Variants in TRPV5 observed in about 807,000 individuals in gnomAD.
TRPV5 encodes the protein transient receptor potential cation channel subfamily V member 5.
TRPV5 carries 66 observed loss-of-function variants against 74.1 expected under a neutral mutation model. That is an observed-to-expected ratio of 0.89 (90% CI 0.73 to 1.09). TRPV5 has a LOEUF of 1.09. Among genes scored for constraint, TRPV5 ranks in the 50% least tolerant of loss-of-function variants. The pLI is 0.00. For missense variants in TRPV5, 936 were observed against 930.4 expected (o/e 1.01, Z -0.08); for synonymous variants, 399 against 360.7 (o/e 1.11, Z -1.20).
intron 8 of TRPV5, 146 bp downstream of exon 8, chr7:142,925,383 C>G: frequency 2.7e-6 from 2 of 751,288 alleles, no homozygotes; most frequent in Non-Finnish European, 4.5e-6. Context: ...GCCTCCTGGT[C>G]TCATGTCTAA....
intron 8 of TRPV5, among the ~76,000 whole-genome samples, chr7:142,916,632 G>A (rs1795803789): frequency 6.6e-6 from 1 of 152,176 alleles, no homozygotes; most frequent in Non-Finnish European, 1.5e-5. Flanking sequence ...AGTCCCCTGG[G>A]GCCAGCAGGA....
chr7:142,908,443 G>T lies in TRPV5; in HGVS notation c.*71C>A. The T allele has an allele frequency of 1.3e-6, 2 of 1,533,922 alleles. No homozygotes were observed. The highest frequency in any genetic ancestry group is 1.8e-6 in the Non-Finnish European group (2 of 1,118,118). Reference sequence around the variant, plus strand: ...GCACAGAAGTTAGACACTTGCATAGGCAGAGGTCTCCGTCTCTGTCCCCGC... The same window carrying T: ...GCACAGAAGTTAGACACTTGCATAGTCAGAGGTCTCCGTCTCTGTCCCCGC... On this transcript the variant is annotated 3_prime_UTR_variant, in exon 15 of 15. Coordinates refer to ENST00000265310, the MANE Select transcript of TRPV5 (RefSeq NM_019841.7).
intron 8 of TRPV5, among the ~76,000 whole-genome samples, chr7:142,920,020 A>G (rs4252462): frequency 0.97 from 148,338 of 152,320 alleles, 72,255 homozygotes; most frequent in East Asian, 0.99. Flanking sequence ...TTCCTAACCA[A>G]GACTGCCCAT....
rs1449281828 is a variant in TRPV5, at chr7:142,928,934, G to A, written c.587-68C>T. On this transcript the variant is annotated intron_variant, in intron 5 of 14. Transcript: ENST00000265310. ...CCCTGATGTCCCCATCCCCACTCTG[G>A]GGTCTTCCTAAAGGTCCCAGCTCCA... is the stretch of plus-strand genomic sequence containing the variant. 3 of 1,611,590 alleles carry A rather than the reference G, an allele frequency of 1.9e-6. 1 individual carries two copies. The highest frequency in any genetic ancestry group is 2.2e-5 in the South Asian group (2 of 90,850).
In TRPV5 at chr7:142,929,361, C is replaced by T. The variant is rs1294963060; in HGVS notation, c.487+67G>A. 3.2e-6 allele frequency: 5 copies of T among 1,584,210 alleles called. No homozygotes were observed. The Admixed American group carries it at 6.8e-5, about 22-fold the overall frequency. On this transcript the variant is annotated intron_variant, in intron 4 of 14. Transcript: ENST00000265310. ...TGGAGCTGAAGGCAGGACCCTCATG[C>T]CCTGGCCTCCCTCTGCCTTGCCCGC...
intron 4 of TRPV5, 61 bp downstream of exon 4, chr7:142,929,367 C>A (rs984309644): frequency 2.5e-6 from 4 of 1,587,738 alleles, no homozygotes; most frequent in Non-Finnish European, 3.4e-6. Flanking sequence ...CATGCCCTGG[C>A]CTCCCTCTGC....
chr7:142,914,527 C>CA (rs137964684), intron 12 of TRPV5, 113 bp downstream of exon 12: 56,551 of 970,448 alleles, frequency 0.058, 2,662 homozygotes, highest in African/African-American at 0.26. Context: ...AAAAAACAAA[C>CA]AAAAAAAAAG....
intron 7 of TRPV5, 90 bp from the exon 8 acceptor site, chr7:142,925,831 C>A: frequency 1.9e-6 from 2 of 1,077,204 alleles, no homozygotes; most frequent in Non-Finnish European, 1.4e-6. Flanking sequence ...GGGCAGCAAC[C>A]ATCACTCACT....
intron 1 of TRPV5, among the ~76,000 whole-genome samples, chr7:142,931,764 C>T (rs573861089): frequency 3.6e-4 from 55 of 152,208 alleles, no homozygotes; most frequent in South Asian, 1.5e-3. Flanking sequence ...TGCAGTGGTG[C>T]GATCTCGGCT....
chr7:142,926,863 C>T (rs920762187), intron 7 of TRPV5, among the ~76,000 whole-genome samples: 26 of 152,154 alleles, frequency 1.7e-4, no homozygotes, highest in Non-Finnish European at 2.5e-4. Flanking sequence ...ACAAACTAGC[C>T]ACTCAACTTT....
At position 142,922,461 on chromosome 7, in the gene TRPV5, G is replaced by T. The variant is rs532035790; in HGVS notation, c.1122+3068C>A. On this transcript the variant is annotated intron_variant, in intron 8 of 14. Transcript: ENST00000265310. Reference sequence around the variant, plus strand: ...CTTACCTCAAAGATGGAAGCCACGGGTTCTCAACCTTGGCAGAACATTTGG... The same window carrying T: ...CTTACCTCAAAGATGGAAGCCACGGTTTCTCAACCTTGGCAGAACATTTGG... Among the ~76,000 whole-genome samples, 17 of 152,278 alleles carry T rather than the reference G, an allele frequency of 1.1e-4. No homozygotes were observed. The East Asian group carries it at 2.3e-3, about 21-fold the overall frequency.
chr7:142,929,195 G>A lies in TRPV5; in HGVS notation c.488-75C>T, dbSNP rs1388634549. On this transcript the variant is annotated intron_variant, in intron 4 of 14. Transcript: ENST00000265310. ...GGGTGGGCAGTCTCCCCCAAATAAG[G>A]GCCTCCTCCTCATCCCCCATATCTC... The A allele has an allele frequency of 1.9e-6, 3 of 1,557,472 alleles. No homozygotes were observed. In the East Asian group the frequency reaches 7.0e-5, roughly 37 times the overall value.
intron 8 of TRPV5, among the ~76,000 whole-genome samples, chr7:142,920,141 G>A (rs535054421): frequency 3.9e-5 from 6 of 152,290 alleles, no homozygotes; most frequent in Admixed American, 1.3e-4. Context: ...CGTTTTGGAC[G>A]TGTATCCCAA....
chr7:142,910,835 C>T (rs1795691658), intron 13 of TRPV5, among the ~76,000 whole-genome samples: 1 of 152,138 alleles, frequency 6.6e-6, no homozygotes, highest in Non-Finnish European at 1.5e-5. Flanking sequence ...GGGAATTGCT[C>T]CCTCATCACT....
intron 1 of TRPV5, among the ~76,000 whole-genome samples, chr7:142,930,896 G>A (rs566066659): frequency 1.1e-4 from 17 of 152,268 alleles, no homozygotes; most frequent in African/African-American, 4.1e-4. Flanking sequence ...TTTAACCAAG[G>A]GGAGTTTGGG....
intron 8 of TRPV5, among the ~76,000 whole-genome samples, chr7:142,921,385 G>A (rs530456403): frequency 2.6e-5 from 4 of 152,126 alleles, no homozygotes; most frequent in Non-Finnish European, 5.9e-5. Flanking sequence ...ACGTTCAAGC[G>A]ATTCTCCTCT....
In TRPV5 at chr7:142,914,992, G is replaced by T; in HGVS notation, c.1341C>A (p.Thr447=). 1 of 1,614,126 alleles carries T rather than the reference G, an allele frequency of 6.2e-7. No individual in the cohort carries two copies. The highest frequency in any genetic ancestry group is 8.5e-7 in the Non-Finnish European group (1 of 1,180,010). The change falls in exon 11 of 15, where the codon ACC becomes ACA. Residue 447 remains threonine (T), a synonymous_variant. Coordinates refer to ENST00000265310, the MANE Select transcript of TRPV5 (RefSeq NM_019841.7). ...LVTMVMRLTN[T]NGEVVPMSFA... ...AGGACATGGGCACCACCTCCCCATT[G>T]GTGTTGGTGAGCCGCATCACCATGG...
rs762806939 is a variant in TRPV5, at chr7:142,908,609, G to A, written c.2095C>T (p.Arg699Ter). The A allele has an allele frequency of 8.1e-6, 13 of 1,614,230 alleles. No homozygotes were observed. Among genetic ancestry groups the A allele is most frequent in the Admixed American group, 3.3e-5 (2 of 60,028 alleles). Residue 699 changes from arginine to a stop codon, truncating the protein, a stop_gained, in exon 15 of 15, where the codon CGA (arginine) becomes TGA (stop). Coordinates refer to ENST00000265310, the MANE Select transcript of TRPV5 (RefSeq NM_019841.7). LOFTEE classifies it high-confidence loss of function. ...TTTTGACGAAGGATCTCCCAGCCTCGGTGACTGCTGCTCTGGGACGCGGTC... is the reference window on the plus strand; with the variant it reads ...TTTTGACGAAGGATCTCCCAGCCTCAGTGACTGCTGCTCTGGGACGCGGTC... ...SRTASQSSSH[R>*]GWEILRQNTL...
chr7:142,920,077 A>T (rs1162084676), intron 8 of TRPV5, among the ~76,000 whole-genome samples: 1 of 152,180 alleles, frequency 6.6e-6, no homozygotes, highest in East Asian at 1.9e-4. Flanking sequence ...GTCCAGGCCA[A>T]CCCTGGGTTA....
Sources: allele counts gnomAD v4.1 joint callset (sites outside exome capture counted in the v4.1 genomes callset), GRCh38; gene constraint gnomAD v4.1.1; transcripts MANE v1.5; gene names NCBI Gene and HGNC (gene_info 2026-07-23, HGNC 2026-07-21).